The following EXOC6B variants were observed in gnomAD, a reference collection of about 807,000 sequenced individuals.
The protein encoded by EXOC6B is SEC15 homolog B.
In EXOC6B, 54 loss-of-function variants were observed where a neutral mutation model predicts 113.5. The observed-to-expected ratio is 0.48, with a 90% CI of 0.38 to 0.60. The LOEUF (loss-of-function observed/expected upper bound fraction) is 0.60, where lower values mean the gene tolerates loss of function less well. Among genes scored for constraint, EXOC6B ranks in the 20% least tolerant of loss-of-function variants. The pLI is 0.00. For missense variants in EXOC6B, 797 were observed against 977.5 expected (o/e 0.82, Z 2.46); for synonymous variants, 357 against 339.0 (o/e 1.05, Z -0.58).
rs141488710 is a variant in EXOC6B at position 72,806,776 on chromosome 2, T to C, written c.113+19022A>G. ...GTGGTTTTGATTCGCATTTCTCCAA[T>C]GATTAGTGATGTTGAGCTTTTTTTT... On this transcript the variant is annotated intron_variant, in intron 1 of 21. Coordinates refer to ENST00000272427, the MANE Select transcript of EXOC6B (RefSeq NM_015189.3). Among the ~76,000 whole-genome samples, 249 of 152,314 alleles carry C rather than the reference T, an allele frequency of 1.6e-3. 1 individual carries two copies. The highest frequency in any genetic ancestry group is 5.8e-3 in the African/African-American group (240 of 41,570).
At chr2:72,747,609 G>GA (rs1466272942) in intron 1 of EXOC6B, among the ~76,000 whole-genome samples, 1 of 151,984 alleles carries the variant, frequency 6.6e-6, no homozygotes, top group Non-Finnish European at 1.5e-5. Context: ...ACTTGCAAAG[G>GA]AAAGTATCCT....
intron 20 of EXOC6B, among the ~76,000 whole-genome samples, chr2:72,201,121 A>G (rs1679464534): frequency 6.6e-6 from 1 of 152,144 alleles, no homozygotes; most frequent in South Asian, 2.1e-4. Flanking sequence ...CATACTAGGC[A>G]TACATATGTG....
intron 20 of EXOC6B, among the ~76,000 whole-genome samples, chr2:72,274,344 T>A (rs1684683100): frequency 6.6e-6 from 1 of 152,186 alleles, no homozygotes; most frequent in South Asian, 2.1e-4. Flanking sequence ...ATAATTGGTG[T>A]AAAGATTCTA....
chr2:72,424,034 T>C (rs931189909), intron 18 of EXOC6B, among the ~76,000 whole-genome samples: 1 of 152,232 alleles, frequency 6.6e-6, no homozygotes, highest in Non-Finnish European at 1.5e-5. Flanking sequence ...TTGTGCAAGA[T>C]TGACTTGCAA....
intron 20 of EXOC6B, among the ~76,000 whole-genome samples, chr2:72,308,454 C>T (rs529221029): frequency 1.4e-4 from 21 of 152,224 alleles, no homozygotes; most frequent in African/African-American, 4.3e-4. Context: ...AGAAGGAATA[C>T]GTTAAGCTAA....
At chr2:72,813,731 A>AT (rs1686053317) in intron 1 of EXOC6B, among the ~76,000 whole-genome samples, 2 of 152,294 alleles carry the variant, frequency 1.3e-5, no homozygotes, top group South Asian at 4.1e-4. Context: ...CTTCACTCAT[A>AT]TTGCTTGATA....
chr2:72,382,846 A>G (rs558028687), intron 18 of EXOC6B, among the ~76,000 whole-genome samples: 2 of 152,248 alleles, frequency 1.3e-5, no homozygotes, highest in Admixed American at 1.3e-4. Flanking sequence ...ATTGGTGTAC[A>G]GGAAGGCTAC....
intron 7 of EXOC6B, among the ~76,000 whole-genome samples, chr2:72,561,531 C>CT (rs1164423554): frequency 6.6e-6 from 1 of 152,062 alleles, no homozygotes; most frequent in Non-Finnish European, 1.5e-5. Flanking sequence ...AAGGAAACTG[C>CT]TTGTAGCCAT....
intron 1 of EXOC6B, among the ~76,000 whole-genome samples, chr2:72,821,178 T>A (rs1390103557): frequency 6.6e-6 from 1 of 151,886 alleles, no homozygotes; most frequent in Non-Finnish European, 1.5e-5. Context: ...TAACCCAATT[T>A]AAAAACGGGC....
chr2:72,196,317 A>G (rs1348183126), intron 20 of EXOC6B, among the ~76,000 whole-genome samples: 2 of 152,178 alleles, frequency 1.3e-5, no homozygotes, highest in Non-Finnish European at 2.9e-5. Context: ...AAAAATACCT[A>G]ACATTAAGGG....
intron 6 of EXOC6B, among the ~76,000 whole-genome samples, chr2:72,655,557 A>T (rs1257013058): frequency 1.3e-5 from 2 of 152,110 alleles, no homozygotes; most frequent in Admixed American, 1.3e-4. Context: ...TTCCATTCAC[A>T]TAAACTCCAT....
At chr2:72,319,816 T>C (rs1373446841) in intron 20 of EXOC6B, among the ~76,000 whole-genome samples, 1 of 151,576 alleles carries the variant, frequency 6.6e-6, no homozygotes, top group Non-Finnish European at 1.5e-5. Context: ...GAATTCAACA[T>C]AATCCTAATG....
At chr2:72,671,743 G>C (rs1327376923) in intron 6 of EXOC6B, among the ~76,000 whole-genome samples, 5 of 130,446 alleles carry the variant, frequency 3.8e-5, no homozygotes, top group African/African-American at 1.5e-4. Flanking sequence ...AAGAGAGAGA[G>C]AGACAGAGAA....
rs761621153 is a variant in EXOC6B, at chr2:72,486,368, C to CA, written c.1666-5619dup. On this transcript the variant is annotated intron_variant, in intron 16 of 21. Transcript: ENST00000272427. ...TGAGAGACAGAATGAGACTCCATCT[C>CA]AAAAAAAAAAAAAGAAAAAGAAAAT... Among the ~76,000 whole-genome samples the CA allele has an allele frequency of 6.8e-3, 801 of 117,138 alleles. 2 individuals carry two copies. The highest frequency in any genetic ancestry group is 0.016 in the African/African-American group (509 of 31,652). The allele number at this position is 117,138 out of a possible 152,430, so 76.8% of individuals were successfully genotyped here.
intron 11 of EXOC6B, among the ~76,000 whole-genome samples, chr2:72,502,366 G>A (rs905843851): frequency 1.3e-5 from 2 of 152,060 alleles, no homozygotes; most frequent in Non-Finnish European, 2.9e-5. Context: ...TGGCCATTAC[G>A]ACAAAACCTT....
intron 18 of EXOC6B, among the ~76,000 whole-genome samples, chr2:72,421,154 T>C (rs1185906515): frequency 2.6e-5 from 4 of 152,218 alleles, no homozygotes; most frequent in Non-Finnish European, 5.9e-5. Flanking sequence ...GTCAGATGGA[T>C]AGATTGCAAA....
At chr2:72,545,621 C>T (rs1010156168) in intron 8 of EXOC6B, among the ~76,000 whole-genome samples, 4 of 152,112 alleles carry the variant, frequency 2.6e-5, no homozygotes, top group Non-Finnish European at 5.9e-5. Flanking sequence ...CCCATATTTA[C>T]CACATCATTT....
intron 20 of EXOC6B, among the ~76,000 whole-genome samples, chr2:72,319,794 A>G (rs1303313739): frequency 6.6e-6 from 1 of 152,222 alleles, no homozygotes; most frequent in Non-Finnish European, 1.5e-5. Flanking sequence ...AATTTTCCCC[A>G]AATTGATCTC....
intron 20 of EXOC6B, among the ~76,000 whole-genome samples, chr2:72,217,177 T>C (rs1272049539): frequency 6.6e-6 from 1 of 152,136 alleles, no homozygotes; most frequent in East Asian, 1.9e-4. Flanking sequence ...CTATTATTCC[T>C]TACTTTCCCA....
Sources: allele counts gnomAD v4.1 joint callset (sites outside exome capture counted in the v4.1 genomes callset), GRCh38; gene constraint gnomAD v4.1.1; transcripts MANE v1.5; gene names NCBI Gene and HGNC (gene_info 2026-07-23, HGNC 2026-07-21).